PHF20L1: variants seen among roughly 807,000 people sequenced by gnomAD.
PHF20L1 encodes PHD finger protein 20-like protein 1.
In PHF20L1, 44 loss-of-function variants were observed where a neutral mutation model predicts 125.5. The observed-to-expected ratio is 0.35, with a 90% confidence interval of 0.28 to 0.45. PHF20L1 has a LOEUF of 0.45. Among genes scored for constraint, PHF20L1 ranks in the 20% least tolerant of loss-of-function variants. The pLI is 1.00. For missense variants in PHF20L1, 1,012 were observed against 1,217.2 expected (o/e 0.83, Z 2.51); for synonymous variants, 380 against 403.1 (o/e 0.94, Z 0.69).
chr8:132,816,628 G>A (rs963014737), intron 10 of PHF20L1: 2 of 332,070 alleles, frequency 6.0e-6, no homozygotes, highest in Non-Finnish European at 1.1e-5. Flanking sequence ...TCACTTGGGG[G>A]AGCTACTTGA....
chr8:132,848,017 G>C lies in PHF20L1; in HGVS notation c.*2094G>C, dbSNP rs1342900519. The C allele has an allele frequency of 6.6e-6, 1 of 151,862 alleles. No homozygotes were observed. Among genetic ancestry groups the C allele is most frequent in the Admixed American group, 6.6e-5 (1 of 15,236 alleles). The allele number at this position is 151,862 out of a possible 1,614,324, so 9.4% of individuals were successfully genotyped here. ...CTTTTTTTCAGATACGGAGCAAATA[G>C]CATCCTTAACCTATGAATAATGGTG... On this transcript the variant is annotated 3_prime_UTR_variant, in exon 21 of 21. Coordinates refer to ENST00000395386, the MANE Select transcript of PHF20L1 (RefSeq NM_016018.5).
chr8:132,844,812 A>G (rs1838269965), intron 20 of PHF20L1, among the ~76,000 whole-genome samples: 1 of 152,148 alleles, frequency 6.6e-6, no homozygotes. Flanking sequence ...AAAGTGGGCA[A>G]GAAAGATACT....
intron 6 of PHF20L1, among the ~76,000 whole-genome samples, chr8:132,801,498 A>G (rs1199539284): frequency 1.3e-5 from 2 of 151,794 alleles, no homozygotes; most frequent in Admixed American, 6.6e-5. Flanking sequence ...TGTTATCTAC[A>G]AAGAGCTCGA....
rs763953160 is a variant in PHF20L1, at chr8:132,837,758, T to C, written c.2138T>C (p.Leu713Pro). The C allele has an allele frequency of 1.6e-5, 26 of 1,613,090 alleles. No individual in the cohort carries two copies. Among genetic ancestry groups the C allele is most frequent in the Non-Finnish European group, 2.1e-5 (25 of 1,179,488 alleles). ...CWQHSVCMGL[L>P]EESIPEQYIC... ...CAACACAGCGTGTGCATGGGGCTGC[T>C]GGAGGAGAGCATTCCAGAGCAGTAC... The change falls in exon 17 of 21, where the codon CTG becomes CCG. Residue 713 changes from leucine to proline, a missense_variant. Coordinates refer to ENST00000395386, the MANE Select transcript of PHF20L1 (RefSeq NM_016018.5).
chr8:132,810,937 A>G (rs1418110977), intron 8 of PHF20L1, 109 bp from the exon 9 acceptor site: 5 of 736,310 alleles, frequency 6.8e-6, no homozygotes, highest in South Asian at 2.9e-5. Context: ...ATTACTTCCT[A>G]CGTATTAAAA....
intron 9 of PHF20L1, chr8:132,812,427 A>G: frequency 1.0e-6 from 1 of 985,104 alleles, no homozygotes; most frequent in Non-Finnish European, 1.2e-6. Context: ...TCTTAGAGAG[A>G]AGTACAGAAA....
Position 132,847,900 on chromosome 8 carries a change from A to G in PHF20L1, c.*1977A>G, listed in dbSNP as rs975536435. ...AATTTGCTAATGTCTATATTTTATG[A>G]TTGATACTATTATTTTTCCTTTGCA... On this transcript the variant is annotated 3_prime_UTR_variant, in exon 21 of 21. Coordinates refer to ENST00000395386, the MANE Select transcript of PHF20L1 (RefSeq NM_016018.5). The G allele has an allele frequency of 1.3e-5, 2 of 152,178 alleles. No homozygotes were observed. The highest frequency in any genetic ancestry group is 2.9e-5 in the Non-Finnish European group (2 of 67,972). 9.4% of individuals were successfully genotyped at this position (152,178 alleles called of 1,614,324 possible). A position where few individuals can be genotyped will look rare whatever the true frequency, so the allele number is the denominator to read the frequency against.
rs1000572462 is a variant in PHF20L1, at chr8:132,844,050, A to G, written c.2749-106A>G. ...AAAGATACCCCTGGAGTCAGATTGG[A>G]TCTCACTAACTGTTACCAGTGATGA... On this transcript the variant is annotated intron_variant, in intron 19 of 20. Transcript: ENST00000395386. The G allele has an allele frequency of 1.8e-5, 27 of 1,515,712 alleles. No homozygotes were observed. In the African/African-American group the frequency reaches 3.4e-4, roughly 19 times the overall value. The allele number at this position is 1,515,712 out of a possible 1,614,324, so 93.9% of individuals were successfully genotyped here.
intron 15 of PHF20L1, among the ~76,000 whole-genome samples, chr8:132,835,556 A>G (rs1034150401): frequency 2.6e-5 from 4 of 152,250 alleles, no homozygotes; most frequent in African/African-American, 9.6e-5. Flanking sequence ...TGTCACTATT[A>G]TACACACACG....
At chr8:132,837,465 G>A (rs1180965616) in intron 16 of PHF20L1, among the ~76,000 whole-genome samples, 2 of 152,118 alleles carry the variant, frequency 1.3e-5, no homozygotes, top group Non-Finnish European at 2.9e-5. Context: ...GAGAAATTAT[G>A]ACTTAAGTAC....
intron 9 of PHF20L1, chr8:132,812,545 A>T (rs1834518005): frequency 3.0e-6 from 3 of 984,798 alleles, no homozygotes; most frequent in Non-Finnish European, 3.6e-6. Flanking sequence ...TTTGTAACAA[A>T]GAGACCAACA....
Position 132,803,889 on chromosome 8 carries a change from C to T in PHF20L1, c.578C>T (p.Thr193Ile). 2 of 1,610,410 alleles carry T rather than the reference C, an allele frequency of 1.2e-6. No individual in the cohort carries two copies. Among genetic ancestry groups the T allele is most frequent in the South Asian group, 2.2e-5 (2 of 90,892 alleles). ...AKNKTGSKPR[T>I]SANSNKDKDK... Reference sequence around the variant, plus strand: ...AACAAAACAGGGAGTAAACCTCGAACCAGCGCTAACAGCAATAAAGATAAG... The same window carrying T: ...AACAAAACAGGGAGTAAACCTCGAATCAGCGCTAACAGCAATAAAGATAAG... The change falls in exon 7 of 21, where the codon ACC becomes ATC. Residue 193 changes from threonine (T) to isoleucine (I), a missense_variant. By Grantham distance (89) the Thr-to-Ile change is moderately conservative. Around this residue, in one of 7 missense-constraint regions of PHF20L1, gnomAD observed 134 missense variants for 145.9 expected, o/e 0.92. Transcript: ENST00000395386.
intron 2 of PHF20L1, 113 bp downstream of exon 2, chr8:132,778,024 T>G: frequency 1.5e-6 from 1 of 680,072 alleles, no homozygotes; most frequent in Non-Finnish European, 2.6e-6. Context: ...GTATTCACAT[T>G]TCGATTACAC....
At chr8:132,785,637 G>T (rs999826889) in intron 2 of PHF20L1, among the ~76,000 whole-genome samples, 3 of 152,046 alleles carry the variant, frequency 2.0e-5, no homozygotes, top group Non-Finnish European at 2.9e-5. Flanking sequence ...GCTACAGATG[G>T]TTAGCACATA....
chr8:132,797,850 CT>C lies in PHF20L1; in HGVS notation c.341-918del, dbSNP rs1832594075. 5.3e-5 allele frequency among the ~76,000 whole-genome samples: 8 copies of C among 151,760 alleles called. No individual in the cohort carries two copies. The South Asian group carries it at 1.4e-3, about 28-fold the overall frequency. On this transcript the variant is annotated intron_variant, in intron 4 of 20. Coordinates refer to ENST00000395386, the MANE Select transcript of PHF20L1 (RefSeq NM_016018.5). ...ATTGTCACATTTCTTGTTTATAATT[CT>C]TTTATAAAGACCAAGTATCTGTTTA...
chr8:132,836,671 A>C lies in PHF20L1; in HGVS notation c.2041A>C (p.Ile681Leu). ...GGATGAGGATGATGCTCTTAATGAA[A>C]TTGTGCGATGTATTTGTGAGATGGA... is the stretch of plus-strand genomic sequence containing the variant. ...SQDEDDALNE[I>L]VRCICEMDEE... Residue 681 changes from isoleucine to leucine, a missense_variant, in exon 16 of 21, where the codon ATT (isoleucine) becomes CTT (leucine). Ile to Leu is a conservative substitution (Grantham distance 5). Coordinates refer to ENST00000395386, the MANE Select transcript of PHF20L1 (RefSeq NM_016018.5). 1 of 1,613,316 alleles carries C rather than the reference A, an allele frequency of 6.2e-7. No homozygotes were observed. The highest frequency in any genetic ancestry group is 8.5e-7 in the Non-Finnish European group (1 of 1,179,516).
intron 17 of PHF20L1, 151 bp from the exon 18 acceptor site, chr8:132,839,236 C>T (rs1005963334): frequency 1.6e-6 from 1 of 624,768 alleles, no homozygotes; most frequent in Non-Finnish European, 2.9e-6. Flanking sequence ...TCTTCCTGCA[C>T]CAGTTCCTCA....
chr8:132,824,896 C>A, intron 13 of PHF20L1: 2 of 429,082 alleles, frequency 4.7e-6, no homozygotes, highest in Non-Finnish European at 7.1e-6. Context: ...AATTTATTCT[C>A]TCATTAAATT....
Position 132,846,238 on chromosome 8 carries a change from CAA to C in PHF20L1, c.*316_*317del, listed in dbSNP as rs144778291. 9.2e-3 allele frequency: 1,831 copies of C among 198,992 alleles called. 58 individuals are homozygous for C. The highest frequency in any genetic ancestry group is 0.081 in the East Asian group (720 of 8,862). 12.3% of individuals were successfully genotyped at this position (198,992 alleles called of 1,614,324 possible). A position where few individuals can be genotyped will look rare whatever the true frequency, so the allele number is the denominator to read the frequency against. ...TTTGAGTAGTTGCTTACGTGAAGCT[CAA>C]GATACCTGTAGAAAGAAATATGGTA... On this transcript the variant is annotated 3_prime_UTR_variant, in exon 21 of 21. Coordinates refer to ENST00000395386, the MANE Select transcript of PHF20L1 (RefSeq NM_016018.5).
Sources: gnomAD v4.1 joint callset for allele counts (sites outside exome capture counted in the v4.1 genomes callset) on GRCh38, gnomAD v4.1.1 for gene constraint, gnomAD v4.1.1 regional missense constraint, MANE v1.5 for transcripts, NCBI Gene and HGNC (gene_info 2026-07-23, HGNC 2026-07-21) for gene names.